Variants in ATAD3A observed in about 807,000 individuals in gnomAD.
The protein encoded by ATAD3A is ATPase family AAA domain-containing protein 3A.
Under a neutral mutation model 73.8 loss-of-function variants are expected in ATAD3A, and 46 were observed. The ratio of observed to expected loss-of-function variants is 0.62; its 90% CI spans 0.49 to 0.80. The LOEUF is 0.80. Among genes scored for constraint, ATAD3A ranks in the 30% least tolerant of loss-of-function variants. The probability of loss-of-function intolerance (pLI) is 0.00; values close to 1 mark genes in which losing one functional copy is unlikely to be tolerated. For missense variants in ATAD3A, 705 were observed against 838.0 expected (o/e 0.84, Z 1.96); for synonymous variants, 319 against 350.0 (o/e 0.91, Z 0.99).
rs1451905562 is a variant in ATAD3A, at chr1:1,525,254, T to C, written c.1229T>C (p.Val410Ala). 1.2e-6 allele frequency: 2 copies of C among 1,613,916 alleles called. No individual in the cohort carries two copies. The highest frequency in any genetic ancestry group is 1.7e-6 in the Non-Finnish European group (2 of 1,179,950). Reference sequence around the variant, plus strand: ...CTCGTTCACAGCCTCCTGCTCTTTGTGGATGAAGCGGACGCCTTCCTTCGG... The same window carrying C: ...CTCGTTCACAGCCTCCTGCTCTTTGCGGATGAAGCGGACGCCTTCCTTCGG... ...NTSRRGLLLF[V>A]DEADAFLRKR... The change falls in exon 12 of 16, where the codon GTG (valine) becomes GCG (alanine). Residue 410 changes from valine (V) to alanine (A), a missense_variant. Val to Ala is a moderately conservative substitution (Grantham distance 64, BLOSUM62 0). Coordinates refer to ENST00000378756, the MANE Select transcript of ATAD3A (RefSeq NM_001170535.3).
intron 15 of ATAD3A, among the ~76,000 whole-genome samples, chr1:1,533,654 G>C (rs2753291): frequency 0.033 from 4,991 of 151,484 alleles, 197 homozygotes; most frequent in African/African-American, 0.088. Context: ...CTGGGTCGGC[G>C]GTCAGTGAGG....
In ATAD3A at chr1:1,531,496, G is replaced by A. The variant is rs187148372; in HGVS notation, c.1614+2165G>A. On this transcript the variant is annotated intron_variant, in intron 15 of 15. Transcript: ENST00000378756. ...AAAATAATAATAACTGGGGCTGGACGGGCGCGGTGGCTCATGCCTGTAATC... is the reference window on the plus strand; with the variant it reads ...AAAATAATAATAACTGGGGCTGGACAGGCGCGGTGGCTCATGCCTGTAATC... Among the ~76,000 whole-genome samples the A allele has an allele frequency of 4.6e-3, 699 of 151,076 alleles. 3 individuals are homozygous for A. Among genetic ancestry groups the A allele is most frequent in the African/African-American group, 0.016 (652 of 41,164 alleles).
At chr1:1,513,866 G>A (rs557375358) in intron 1 of ATAD3A, among the ~76,000 whole-genome samples, 3 of 152,214 alleles carry the variant, frequency 2.0e-5, no homozygotes, top group Admixed American at 6.5e-5. Flanking sequence ...GCAAACGGGC[G>A]GCTCCTCCTC....
chr1:1,521,022 C>G (rs956012453), intron 7 of ATAD3A, among the ~76,000 whole-genome samples: 5 of 151,748 alleles, frequency 3.3e-5, no homozygotes, highest in African/African-American at 1.2e-4. Flanking sequence ...TGTCGATAGT[C>G]GTGGCTCACA....
At chr1:1,518,814 A>ACGGGCACACTCACCCCCCTGCACACT in intron 4 of ATAD3A, 107 bp from the exon 5 acceptor site, 1 of 1,594,880 alleles carries the variant, frequency 6.3e-7, no homozygotes. Flanking sequence ...CACCCCGCAA[A>ACGGGCACACTCACCCCCCTGCACACT]CGGGCACACT....
chr1:1,519,759 C>T (rs1315336777), intron 5 of ATAD3A, among the ~76,000 whole-genome samples: 7 of 148,618 alleles, frequency 4.7e-5, no homozygotes, highest in African/African-American at 1.0e-4. Context: ...TTCAGAACTC[C>T]GCGTTCTGGT....
In ATAD3A at chr1:1,523,829, TC is replaced by T; in HGVS notation, c.964-6del. The stretch of plus-strand genomic sequence containing the variant: ...CAGTGTCTCCTCCAAACCCCCGTCT[TC>T]CCCGGCAGCCCAGCCTGGAAGCACG... On this transcript the variant is annotated splice_polypyrimidine_tract_variant and intron_variant, in intron 9 of 15. Transcript: ENST00000378756. The surrounding 1 kb of genome is among the most constrained non-coding windows in gnomAD (Gnocchi z 5.1). 6.2e-7 allele frequency: 1 copy of T among 1,613,408 alleles called. No individual in the cohort carries two copies. Among genetic ancestry groups the T allele is most frequent in the Non-Finnish European group, 8.5e-7 (1 of 1,179,922 alleles).
Position 1,523,369 on chromosome 1 carries a change from A to G in ATAD3A, c.907-142A>G, listed in dbSNP as rs1426342515. 12 of 1,373,664 alleles carry G rather than the reference A, an allele frequency of 8.7e-6. No individual in the cohort carries two copies. The highest frequency in any genetic ancestry group is 2.1e-5 in the Admixed American group (1 of 47,166). 85.1% of individuals were successfully genotyped at this position (1,373,664 alleles called of 1,614,324 possible). A position where few individuals can be genotyped will look rare whatever the true frequency, so the allele number is the denominator to read the frequency against. The stretch of plus-strand genomic sequence containing the variant: ...TAGCCGCCTGGTCTCCGGGCGGGGC[A>G]GGGTTCCAGCTCCGGGCCGGTCCTG... On this transcript the variant is annotated intron_variant, in intron 8 of 15. Transcript: ENST00000378756. The surrounding 1 kb of genome is among the most constrained non-coding windows in gnomAD (Gnocchi z 5.1).
At chr1:1,512,732 G>A (rs1641242523) in intron 1 of ATAD3A, 9 of 1,176,098 alleles carry the variant, frequency 7.7e-6, no homozygotes, top group Non-Finnish European at 7.6e-6. Flanking sequence ...AGGTTACAGG[G>A]GTCAGGGTCT....
At position 1,527,785 on chromosome 1, in the gene ATAD3A, A is replaced by C; in HGVS notation, c.1428A>C (p.Pro476=). 2 of 1,613,990 alleles carry C rather than the reference A, an allele frequency of 1.2e-6. No individual in the cohort carries two copies. The highest frequency in any genetic ancestry group is 1.7e-6 in the Non-Finnish European group (2 of 1,179,974). The change falls in exon 14 of 16, where the codon CCA becomes CCC. Residue 476 remains proline, a synonymous_variant. Coordinates refer to ENST00000378756, the MANE Select transcript of ATAD3A (RefSeq NM_001170535.3). ...RINEMVHFDL[P]GQEERERLVR... is the part of the protein sequence containing the mutation. ...ATGAGATGGTCCACTTCGACCTGCC[A>C]GGGCAGGAGGAACGGGAGCGCCTGG...
intron 5 of ATAD3A, among the ~76,000 whole-genome samples, chr1:1,519,871 A>C (rs1475451017): frequency 6.6e-6 from 1 of 152,134 alleles, no homozygotes; most frequent in African/African-American, 2.4e-5. Flanking sequence ...TGTCCCTACC[A>C]AGGTCTGTGT....
In ATAD3A at chr1:1,522,686, T is replaced by C. The variant is rs1641642813; in HGVS notation, c.751-58T>C. ...GGTGGGGGCAGCCCCGTGCGTCTCCTGCTCTAAGAGGGAGGGACGGTGGGG... is the reference window on the plus strand; with the variant it reads ...GGTGGGGGCAGCCCCGTGCGTCTCCCGCTCTAAGAGGGAGGGACGGTGGGG... On this transcript the variant is annotated intron_variant, in intron 7 of 15. Coordinates refer to ENST00000378756, the MANE Select transcript of ATAD3A (RefSeq NM_001170535.3). 48 of 1,602,066 alleles carry C rather than the reference T, an allele frequency of 3.0e-5. 1 individual carries two copies. In the South Asian group the frequency reaches 5.2e-4, roughly 17 times the overall value.
chr1:1,526,026 CTT>C (rs1159825001), intron 12 of ATAD3A, among the ~76,000 whole-genome samples: 10 of 141,476 alleles, frequency 7.1e-5, no homozygotes, highest in Admixed American at 7.1e-5. Context: ...TTTTCTTTTT[CTT>C]TTTTTTTTTT....
Position 1,519,121 on chromosome 1 carries a change from G to C in ATAD3A, c.514+131G>C, listed in dbSNP as rs1329456618. 4 of 1,558,644 alleles carry C rather than the reference G, an allele frequency of 2.6e-6. No homozygotes were observed. The East Asian group carries it at 9.2e-5, about 36-fold the overall frequency. On this transcript the variant is annotated intron_variant, in intron 5 of 15. Transcript: ENST00000378756. ...AGTGCAGTGGGCGAGGCCTGCTGGGGCTCCGCGGGGTGGGGCTGCCTCTCG... is the reference window on the plus strand; with the variant it reads ...AGTGCAGTGGGCGAGGCCTGCTGGGCCTCCGCGGGGTGGGGCTGCCTCTCG...
Position 1,518,854 on chromosome 1 carries a change from C to T in ATAD3A, c.445-67C>T, listed in dbSNP as rs981876462. On this transcript the variant is annotated intron_variant, in intron 4 of 15. Transcript: ENST00000378756. ...CCCCTGCACACTCGGGCACAGTCAT[C>T]CCCCGCACACATGGGCACAGTCACA... The T allele has an allele frequency of 1.3e-5, 21 of 1,613,216 alleles. No homozygotes were observed. In the East Asian group the frequency reaches 4.0e-4, roughly 31 times the overall value.
At chr1:1,532,745 C>A (rs148625800) in intron 15 of ATAD3A, among the ~76,000 whole-genome samples, 3 of 152,144 alleles carry the variant, frequency 2.0e-5, no homozygotes, top group African/African-American at 7.2e-5. Context: ...CTCTTGGGTG[C>A]GCTCAAGACC....
At position 1,522,664 on chromosome 1, in the gene ATAD3A, G is replaced by A. The variant is rs568965714; in HGVS notation, c.751-80G>A. ...CTTCTCCCTCGGGCGGAGAGAGGGT[G>A]GGGGCAGCCCCGTGCGTCTCCTGCT... On this transcript the variant is annotated intron_variant, in intron 7 of 15. Transcript: ENST00000378756. The A allele has an allele frequency of 4.9e-5, 77 of 1,583,872 alleles. No individual in the cohort carries two copies. The African/African-American group carries it at 7.4e-4, about 15-fold the overall frequency.
In ATAD3A at chr1:1,523,366, G is replaced by T. The variant is rs1477349944; in HGVS notation, c.907-145G>T. On this transcript the variant is annotated intron_variant, in intron 8 of 15. Transcript: ENST00000378756. The surrounding 1 kb of genome is among the most constrained non-coding windows in gnomAD (Gnocchi z 5.1). ...CAATAGCCGCCTGGTCTCCGGGCGG[G>T]GCAGGGTTCCAGCTCCGGGCCGGTC... 20 of 1,366,988 alleles carry T rather than the reference G, an allele frequency of 1.5e-5. No homozygotes were observed. The highest frequency in any genetic ancestry group is 1.9e-5 in the Non-Finnish European group (19 of 998,292). 84.7% of individuals were successfully genotyped at this position (1,366,988 alleles called of 1,614,324 possible). A position where few individuals can be genotyped will look rare whatever the true frequency, so the allele number is the denominator to read the frequency against.
chr1:1,524,114 G>A, intron 10 of ATAD3A, 150 bp downstream of exon 10: 1 of 1,552,434 alleles, frequency 6.4e-7, no homozygotes, highest in Non-Finnish European at 8.7e-7. Flanking sequence ...GTGGGCAGCA[G>A]CGCCTCCCAT....
Sources: allele counts gnomAD v4.1 joint callset (sites outside exome capture counted in the v4.1 genomes callset), GRCh38; gene constraint gnomAD v4.1.1; non-coding constraint Gnocchi (gnomAD v3.1); transcripts MANE v1.5; gene names NCBI Gene and HGNC (gene_info 2026-07-23, HGNC 2026-07-21).